KCNB2: variants seen among roughly 807,000 people sequenced by gnomAD.
The protein encoded by KCNB2 is potassium voltage-gated channel subfamily B member 2, also known as delayed rectifier potassium channel protein.
KCNB2 carries 15 observed loss-of-function variants against 61.5 expected under a neutral mutation model. The ratio of observed to expected loss-of-function variants is 0.24; its 90% CI spans 0.16 to 0.38. The LOEUF is 0.38. Among genes scored for constraint, KCNB2 ranks in the 10% least tolerant of loss-of-function variants. The pLI, the probability that KCNB2 is intolerant of heterozygous loss-of-function variation, is 1.00. For synonymous variants in KCNB2, 457 were observed against 446.0 expected (o/e 1.02, Z -0.31); for missense variants, 828 against 1,125.2 (o/e 0.74, Z 3.78).
Position 72,687,076 on chromosome 8 carries a change from C to T in KCNB2, c.579+118763C>T, listed in dbSNP as rs1390994806. Among the ~76,000 whole-genome samples the T allele has an allele frequency of 2.6e-5, 4 of 152,090 alleles. No individual in the cohort carries two copies. The East Asian group carries it at 7.7e-4, about 29-fold the overall frequency. On this transcript the variant is annotated intron_variant, in intron 2 of 2. Coordinates refer to ENST00000523207, the MANE Select transcript of KCNB2 (RefSeq NM_004770.3). ...TGCTACTGAGAATAATAAAAAGCATCCTCTCTCACTGACAGGAAGTTGATA... is the reference window on the plus strand; with the variant it reads ...TGCTACTGAGAATAATAAAAAGCATTCTCTCTCACTGACAGGAAGTTGATA...
chr8:72,670,590 A>G (rs1806547909), intron 2 of KCNB2, among the ~76,000 whole-genome samples: 1 of 152,030 alleles, frequency 6.6e-6, no homozygotes, highest in Admixed American at 6.6e-5. Context: ...ATGATTGCCC[A>G]TTTCCTCTCC....
intron 2 of KCNB2, among the ~76,000 whole-genome samples, chr8:72,680,909 C>T (rs542599009): frequency 4.3e-4 from 66 of 152,144 alleles, no homozygotes; most frequent in Non-Finnish European, 8.2e-4. Context: ...CAGAGCCTGC[C>T]TCAAAAGCTG....
chr8:72,651,814 C>A (rs1302357200), intron 2 of KCNB2, among the ~76,000 whole-genome samples: 2 of 151,892 alleles, frequency 1.3e-5, no homozygotes, highest in Non-Finnish European at 2.9e-5. Context: ...CAGAAATTAA[C>A]CCCTAATTTA....
chr8:72,782,863 C>A (rs1444387357), intron 2 of KCNB2, among the ~76,000 whole-genome samples: 1 of 151,834 alleles, frequency 6.6e-6, no homozygotes, highest in Non-Finnish European at 1.5e-5. Flanking sequence ...TTTTCTTTTT[C>A]TTTTTCTGCA....
chr8:72,653,456 A>ATT lies in KCNB2; in HGVS notation c.579+85150_579+85151dup, dbSNP rs148415176. Among the ~76,000 whole-genome samples, 52 of 151,460 alleles carry ATT rather than the reference A, an allele frequency of 3.4e-4. 1 individual carries two copies. The South Asian group carries it at 7.1e-3, about 21-fold the overall frequency. On this transcript the variant is annotated intron_variant, in intron 2 of 2. Transcript: ENST00000523207. ...ATTCTCTTATTCAGCTTTTATTTTT[A>ATT]TTTTTTTTGTGACACTTTGATATCA...
chr8:72,812,382 C>A (rs931593363), intron 2 of KCNB2, among the ~76,000 whole-genome samples: 2 of 151,950 alleles, frequency 1.3e-5, no homozygotes, highest in Non-Finnish European at 2.9e-5. Context: ...CTTGTAATTT[C>A]TTTTTCTGGT....
intron 2 of KCNB2, among the ~76,000 whole-genome samples, chr8:72,852,087 A>T (rs79109851): frequency 6.8e-6 from 1 of 146,818 alleles, no homozygotes; most frequent in Non-Finnish European, 1.5e-5. Flanking sequence ...TTTAAAAAAT[A>T]AAAAATAAAA....
At chr8:72,818,083 T>G (rs1194988787) in intron 2 of KCNB2, among the ~76,000 whole-genome samples, 2 of 152,156 alleles carry the variant, frequency 1.3e-5, no homozygotes, top group Non-Finnish European at 2.9e-5. Context: ...GATTTCATTC[T>G]TAAAATGTGC....
intron 2 of KCNB2, among the ~76,000 whole-genome samples, chr8:72,763,126 A>G (rs1808410767): frequency 6.6e-6 from 1 of 151,652 alleles, no homozygotes. Flanking sequence ...TGAGGAACTG[A>G]TATCAGGTAG....
At chr8:72,733,567 A>T (rs1807786733) in intron 2 of KCNB2, among the ~76,000 whole-genome samples, 1 of 152,152 alleles carries the variant, frequency 6.6e-6, no homozygotes, top group African/African-American at 2.4e-5. Flanking sequence ...GATTATAATG[A>T]CTGTAATATA....
intron 2 of KCNB2, among the ~76,000 whole-genome samples, chr8:72,614,063 G>A (rs754618617): frequency 6.6e-6 from 1 of 152,162 alleles, no homozygotes; most frequent in East Asian, 1.9e-4. Flanking sequence ...GGAAGGATGA[G>A]GAAACGTAGC....
At chr8:72,844,806 C>T (rs1171989319) in intron 2 of KCNB2, among the ~76,000 whole-genome samples, 5 of 152,190 alleles carry the variant, frequency 3.3e-5, no homozygotes, top group Admixed American at 6.5e-5. Context: ...TTATGTTCTT[C>T]TCTAAACTGG....
At chr8:72,589,195 G>A (rs559142237) in intron 2 of KCNB2, among the ~76,000 whole-genome samples, 31 of 152,294 alleles carry the variant, frequency 2.0e-4, no homozygotes, top group Middle Eastern at 3.4e-3. Context: ...GAATGTGTGA[G>A]TGTAGGTTCC....
At chr8:72,648,974 T>TC (rs1806173651) in intron 2 of KCNB2, among the ~76,000 whole-genome samples, 2 of 139,556 alleles carry the variant, frequency 1.4e-5, no homozygotes, top group South Asian at 4.8e-4. Flanking sequence ...AGTTTTTTTA[T>TC]TTTTTTTCTT....
chr8:72,790,872 C>G (rs924780357), intron 2 of KCNB2, among the ~76,000 whole-genome samples: 1 of 152,168 alleles, frequency 6.6e-6, no homozygotes, highest in African/African-American at 2.4e-5. Flanking sequence ...GTATCAAGTT[C>G]AGAATGCTTT....
chr8:72,661,305 G>GTAGT (rs1806376726), intron 2 of KCNB2: 1 of 152,164 alleles, frequency 6.6e-6, no homozygotes, highest in Admixed American at 6.5e-5. Context: ...CTGAGCCACT[G>GTAGT]CGCCTTACCT....
chr8:72,839,084 C>T (rs764551597), intron 2 of KCNB2, among the ~76,000 whole-genome samples: 10 of 152,054 alleles, frequency 6.6e-5, no homozygotes, highest in African/African-American at 9.7e-5. Context: ...TAGAATAAGA[C>T]GCTCATTATC....
chr8:72,674,983 A>G (rs971769523), intron 2 of KCNB2, among the ~76,000 whole-genome samples: 6 of 152,206 alleles, frequency 3.9e-5, no homozygotes, highest in Non-Finnish European at 8.8e-5. Flanking sequence ...TCCTATAACA[A>G]CCCAAAAGTA....
chr8:72,547,871 A>G (rs555572947), intron 1 of KCNB2, among the ~76,000 whole-genome samples: 37 of 152,336 alleles, frequency 2.4e-4, no homozygotes, highest in African/African-American at 8.9e-4. Flanking sequence ...GTAAAATGCT[A>G]TCAAATAGCA....
Sources: allele counts gnomAD v4.1 joint callset (sites outside exome capture counted in the v4.1 genomes callset), GRCh38; gene constraint gnomAD v4.1.1; transcripts MANE v1.5; gene names NCBI Gene and HGNC (gene_info 2026-07-23, HGNC 2026-07-21).